The following RXRA variants were observed in gnomAD, a reference collection of about 807,000 sequenced individuals.
The protein encoded by RXRA is retinoic acid receptor RXR-alpha.
RXRA carries 5 observed loss-of-function variants against 44.5 expected under a neutral mutation model. The observed-to-expected ratio is 0.11, with a 90% CI of 0.06 to 0.24. The LOEUF is 0.24. Ranked by LOEUF, RXRA falls within the 10% of genes least tolerant of loss-of-function variation. RXRA has a pLI of 1.00. For missense variants in RXRA, 412 were observed against 646.5 expected (o/e 0.64, Z 3.93); for synonymous variants, 291 against 271.4 (o/e 1.07, Z -0.71).
At chr9:134,409,695 G>C (rs570416256) in intron 4 of RXRA, among the ~76,000 whole-genome samples, 1 of 152,344 alleles carries the variant, frequency 6.6e-6, no homozygotes, top group East Asian at 1.9e-4. Flanking sequence ...GCTGGCTGTA[G>C]TCCTCAGTTT....
chr9:134,355,982 CG>C, intron 1 of RXRA, among the ~76,000 whole-genome samples: 1 of 152,004 alleles, frequency 6.6e-6, no homozygotes, highest in Admixed American at 6.5e-5. Flanking sequence ...TCCCTGCCCT[CG>C]GGATGGCCGC....
At chr9:134,371,497 C>T (rs1319562871) in intron 1 of RXRA, among the ~76,000 whole-genome samples, 1 of 152,250 alleles carries the variant, frequency 6.6e-6, no homozygotes, top group African/African-American at 2.4e-5. Context: ...TGATGGGGGC[C>T]AGACTTCTGG....
At chr9:134,344,884 C>T (rs766892416) in intron 1 of RXRA, among the ~76,000 whole-genome samples, 29 of 152,318 alleles carry the variant, frequency 1.9e-4, no homozygotes, top group Admixed American at 1.2e-3. Flanking sequence ...AGTGATGGGA[C>T]GCAGCCTCTG....
At chr9:134,347,701 G>A (rs1830171183) in intron 1 of RXRA, among the ~76,000 whole-genome samples, 1 of 152,090 alleles carries the variant, frequency 6.6e-6, no homozygotes, top group African/African-American at 2.4e-5. Flanking sequence ...TGGGGAGGTG[G>A]AGAAGGACCT....
intron 1 of RXRA, among the ~76,000 whole-genome samples, chr9:134,386,949 C>T (rs538380782): frequency 2.8e-4 from 43 of 152,298 alleles, no homozygotes; most frequent in African/African-American, 7.7e-4. Context: ...CTTGTGTAGC[C>T]GGAGGGGTGC....
intron 1 of RXRA, among the ~76,000 whole-genome samples, chr9:134,347,747 G>T (rs1830171693): frequency 6.6e-6 from 1 of 152,190 alleles, no homozygotes. Context: ...AAAGGCCCCA[G>T]AGTGGGGCTC....
rs571497267 is a variant in RXRA, at chr9:134,407,596, T to C, written c.280-553T>C. Among the ~76,000 whole-genome samples, 189 of 150,978 alleles carry C rather than the reference T, an allele frequency of 1.3e-3. 1 individual carries two copies. The highest frequency in any genetic ancestry group is 2.1e-4 in the Non-Finnish European group (14 of 67,698). ...TGTCGTGCCACCCGATGCCCGGGGG[T>C]GTCCACTCCCCTCTCCTGGGTCACG... is the stretch of plus-strand genomic sequence containing the variant. On this transcript the variant is annotated intron_variant, in intron 2 of 9. Transcript: ENST00000481739. The surrounding 1 kb of genome is among the most constrained non-coding windows in gnomAD (Gnocchi z 4.8).
rs773076567 is a variant in RXRA, at chr9:134,401,781, G to A, written c.178G>A (p.Gly60Ser). ...PISTLSSPIN[G>S]MGPPFSVISS... is the part of the protein sequence containing the mutation. The stretch of plus-strand genomic sequence containing the variant: ...CAGCACCCTGAGCTCCCCCATCAAC[G>A]GCATGGGCCCGCCTTTCTCGGTCAT... Residue 60 changes from glycine (G) to serine (S), a missense_variant, in exon 2 of 10, where the codon GGC (glycine) becomes AGC (serine). Gly to Ser is a moderately conservative substitution (Grantham distance 56). Coordinates refer to ENST00000481739, the MANE Select transcript of RXRA (RefSeq NM_002957.6). The A allele has an allele frequency of 1.6e-5, 26 of 1,613,020 alleles. No homozygotes were observed. The highest frequency in any genetic ancestry group is 2.2e-5 in the East Asian group (1 of 44,858).
intron 3 of RXRA, 56 bp downstream of exon 3, chr9:134,408,355 G>C: frequency 6.6e-7 from 1 of 1,509,292 alleles, no homozygotes; most frequent in Non-Finnish European, 8.9e-7. Context: ...GGCCATTGCA[G>C]GGTCTGGAGG....
chr9:134,379,457 G>A, intron 1 of RXRA: 2 of 987,234 alleles, frequency 2.0e-6, no homozygotes, highest in Non-Finnish European at 2.4e-6. Flanking sequence ...TCTGTGTCCG[G>A]GAAGTGGAGG....
At position 134,429,610 on chromosome 9, in the gene RXRA, G is replaced by A. The variant is rs573478015; in HGVS notation, c.1043+370G>A. On this transcript the variant is annotated intron_variant, in intron 7 of 9. Coordinates refer to ENST00000481739, the MANE Select transcript of RXRA (RefSeq NM_002957.6). ...GTCGCAGGCTGCTTGAGGCTGGCAC[G>A]GTAATGCCGTGGCAGCCCGGGGCGT... is the stretch of plus-strand genomic sequence containing the variant. Among the ~76,000 whole-genome samples, 13 of 152,324 alleles carry A rather than the reference G, an allele frequency of 8.5e-5. No individual in the cohort carries two copies. In the South Asian group the frequency reaches 2.3e-3, roughly 27 times the overall value.
Position 134,417,593 on chromosome 9 carries a change from G to T in RXRA, c.780+266G>T, listed in dbSNP as rs2119179000. On this transcript the variant is annotated intron_variant, in intron 5 of 9. Transcript: ENST00000481739. This position sits in a 1 kb window ranked among gnomAD's most constrained non-coding sequence, Gnocchi z 6.1. The stretch of plus-strand genomic sequence containing the variant: ...GGGGCCCGGGGCCTGGGGCCCTGCG[G>T]CCACATCATCATCCTCGGCCACCTC... Among the ~76,000 whole-genome samples the T allele has an allele frequency of 6.6e-6, 1 of 152,222 alleles. No individual in the cohort carries two copies. The highest frequency in any genetic ancestry group is 1.9e-4 in the East Asian group (1 of 5,140).
intron 1 of RXRA, among the ~76,000 whole-genome samples, chr9:134,336,285 T>A (rs146867602): frequency 3.2e-4 from 49 of 152,296 alleles, no homozygotes; most frequent in African/African-American, 1.1e-3. Context: ...TCCACCCCTC[T>A]GTCCTGTGTG....
intron 1 of RXRA, among the ~76,000 whole-genome samples, chr9:134,377,958 C>G (rs1397591207): frequency 1.3e-5 from 2 of 152,222 alleles, no homozygotes; most frequent in African/African-American, 4.8e-5. Context: ...TGCGGAAGGG[C>G]CGAGCTGGGG....
chr9:134,360,667 G>C (rs898078647), intron 1 of RXRA, among the ~76,000 whole-genome samples: 1 of 152,238 alleles, frequency 6.6e-6, no homozygotes, highest in African/African-American at 2.4e-5. Context: ...GGGGGACATG[G>C]TGGCCACAGG....
chr9:134,415,660 G>C (rs1166467319), intron 4 of RXRA, among the ~76,000 whole-genome samples: 1 of 151,984 alleles, frequency 6.6e-6, no homozygotes, highest in Admixed American at 6.5e-5. Context: ...ACCATCCTAG[G>C]CCTCAGACCA....
chr9:134,436,319 A>C, intron 9 of RXRA, 148 bp from the exon 10 acceptor site: 1 of 745,366 alleles, frequency 1.3e-6, no homozygotes, highest in Non-Finnish European at 2.2e-6. Flanking sequence ...TTCCTTCTGG[A>C]GGCTTGGCAT....
At chr9:134,376,364 C>G (rs1830557398) in intron 1 of RXRA, among the ~76,000 whole-genome samples, 1 of 152,192 alleles carries the variant, frequency 6.6e-6, no homozygotes, top group Admixed American at 6.5e-5. Flanking sequence ...TGCCTGTGTG[C>G]CCCATCCACA....
chr9:134,394,980 A>G (rs1258370284), intron 1 of RXRA, among the ~76,000 whole-genome samples: 2 of 152,202 alleles, frequency 1.3e-5, no homozygotes, highest in East Asian at 3.9e-4. Context: ...TTTGGCATTC[A>G]GAGTCCTTGA....
Sources: allele counts gnomAD v4.1 joint callset (sites outside exome capture counted in the v4.1 genomes callset), GRCh38; gene constraint gnomAD v4.1.1; non-coding constraint Gnocchi (gnomAD v3.1); transcripts MANE v1.5; gene names NCBI Gene and HGNC (gene_info 2026-07-23, HGNC 2026-07-21).